OTUD7A: variants seen among roughly 807,000 people sequenced by gnomAD.
The protein encoded by OTUD7A is OTU domain-containing protein 7A.
OTUD7A carries 12 observed loss-of-function variants against 65.7 expected under a neutral mutation model. The ratio of observed to expected loss-of-function variants is 0.18; its 90% CI spans 0.12 to 0.30. OTUD7A has a LOEUF of 0.30. Among genes scored for constraint, OTUD7A ranks in the 10% least tolerant of loss-of-function variants. OTUD7A has a pLI of 1.00. For synonymous variants in OTUD7A, 641 were observed against 586.3 expected, an observed-to-expected ratio of 1.09 and a Z score of -1.35; for missense variants, 1,148 against 1,304.8, an observed-to-expected ratio of 0.88 and a Z score of 1.85.
intron 1 of OTUD7A, among the ~76,000 whole-genome samples, chr15:31,857,641 A>G (rs961487024): frequency 6.6e-6 from 1 of 152,074 alleles, no homozygotes; most frequent in Admixed American, 6.5e-5. Context: ...TGTGACATAA[A>G]CAGCACATGC....
intron 8 of OTUD7A, among the ~76,000 whole-genome samples, chr15:31,518,602 C>T (rs1300301104): frequency 6.6e-6 from 1 of 152,278 alleles, no homozygotes; most frequent in Non-Finnish European, 1.5e-5. Flanking sequence ...CAACCACTGC[C>T]TTTTCCTCCT....
intron 4 of OTUD7A, 25 bp from the exon 5 acceptor site, chr15:31,559,212 C>A (rs753070971): frequency 9.4e-6 from 15 of 1,603,454 alleles, no homozygotes; most frequent in Non-Finnish European, 1.3e-5. Flanking sequence ...GGAAAGATAG[C>A]CCCAAGGGCT....
intron 1 of OTUD7A, among the ~76,000 whole-genome samples, chr15:31,693,150 T>C (rs889492861): frequency 4.6e-5 from 7 of 152,208 alleles, no homozygotes; most frequent in African/African-American, 1.7e-4. Flanking sequence ...GGTTCCCTAA[T>C]GGAATAAAAA....
intron 3 of OTUD7A, among the ~76,000 whole-genome samples, chr15:31,602,748 C>T (rs1337002519): frequency 1.3e-5 from 2 of 152,182 alleles, no homozygotes; most frequent in African/African-American, 2.4e-5. Context: ...TAAGTAACTT[C>T]AGCGAAATCT....
intron 1 of OTUD7A, among the ~76,000 whole-genome samples, chr15:31,688,526 G>A (rs1892892887): frequency 6.6e-6 from 1 of 151,988 alleles, no homozygotes. Context: ...TTGAACACTA[G>A]GCAGGGAAAA....
chr15:31,769,141 C>A (rs1895165468), intron 1 of OTUD7A, among the ~76,000 whole-genome samples: 1 of 152,100 alleles, frequency 6.6e-6, no homozygotes, highest in African/African-American at 2.4e-5. Context: ...CAACAAAATA[C>A]ATAGGTCAAA....
At chr15:31,821,051 T>A (rs555974899) in intron 1 of OTUD7A, among the ~76,000 whole-genome samples, 57 of 152,194 alleles carry the variant, frequency 3.7e-4, no homozygotes, top group Admixed American at 1.2e-3. Flanking sequence ...AATCATATAA[T>A]ATGGGGTCTT....
chr15:31,524,620 T>C (rs1284221743), intron 8 of OTUD7A, among the ~76,000 whole-genome samples: 1 of 151,638 alleles, frequency 6.6e-6, no homozygotes, highest in African/African-American at 2.4e-5. Flanking sequence ...TCTTTCCTGA[T>C]GGGGTCACTC....
chr15:31,530,526 C>T (rs2141122366), intron 6 of OTUD7A, among the ~76,000 whole-genome samples, 181 bp downstream of exon 6: 1 of 152,332 alleles, frequency 6.6e-6, no homozygotes, highest in South Asian at 2.1e-4. Flanking sequence ...CCAGCAAGTG[C>T]TACTTGACAA....
chr15:31,555,636 C>T (rs1384799287), intron 5 of OTUD7A, among the ~76,000 whole-genome samples: 1 of 152,170 alleles, frequency 6.6e-6, no homozygotes, highest in African/African-American at 2.4e-5. Flanking sequence ...CCCTTTAGCA[C>T]TGGCCGGCTG....
intron 3 of OTUD7A, among the ~76,000 whole-genome samples, chr15:31,595,891 CT>C (rs1265123366): frequency 2.0e-5 from 3 of 152,070 alleles, no homozygotes; most frequent in African/African-American, 7.2e-5. Context: ...TGTTCCTTGG[CT>C]TGTGGCCCCT....
intron 1 of OTUD7A, among the ~76,000 whole-genome samples, chr15:31,786,948 T>C (rs1285342529): frequency 6.6e-6 from 1 of 152,126 alleles, no homozygotes; most frequent in Non-Finnish European, 1.5e-5. Context: ...GAGGGGAAAA[T>C]GTTGCTTTAC....
At chr15:31,526,661 A>G (rs941253279) in intron 7 of OTUD7A, among the ~76,000 whole-genome samples, 200 bp from the exon 8 acceptor site, 1 of 152,214 alleles carries the variant, frequency 6.6e-6, no homozygotes, top group Non-Finnish European at 1.5e-5. Context: ...CTCTAATTCC[A>G]GAGCTGCTGG....
chr15:31,591,520 ACT>A (rs977189303), intron 3 of OTUD7A, among the ~76,000 whole-genome samples: 1 of 151,994 alleles, frequency 6.6e-6, no homozygotes, highest in African/African-American at 2.4e-5. Context: ...ATAAGAGGAA[ACT>A]CACTCTCTCT....
intron 1 of OTUD7A, among the ~76,000 whole-genome samples, chr15:31,817,891 G>A (rs1896589737): frequency 6.6e-6 from 1 of 152,240 alleles, no homozygotes; most frequent in South Asian, 2.1e-4. Context: ...GCCTCAAGGT[G>A]GTGGTATTAA....
chr15:31,636,458 G>T (rs1311567041), intron 3 of OTUD7A, among the ~76,000 whole-genome samples: 1 of 151,938 alleles, frequency 6.6e-6, no homozygotes, highest in African/African-American at 2.4e-5. Context: ...TGATTCTCCT[G>T]TCTCCCTCTC....
intron 3 of OTUD7A, among the ~76,000 whole-genome samples, chr15:31,627,862 T>C (rs1424454336): frequency 6.6e-6 from 1 of 152,244 alleles, no homozygotes; most frequent in Non-Finnish European, 1.5e-5. Flanking sequence ...CATTTTTTCA[T>C]GTGTTTTTTG....
At chr15:31,659,114 T>G (rs1402266749) in intron 1 of OTUD7A, among the ~76,000 whole-genome samples, 2 of 152,062 alleles carry the variant, frequency 1.3e-5, no homozygotes, top group African/African-American at 4.8e-5. Context: ...TCAATGAAGC[T>G]CAAATAAAAC....
chr15:31,623,458 G>A (rs552648388), intron 3 of OTUD7A, among the ~76,000 whole-genome samples: 1 of 152,332 alleles, frequency 6.6e-6, no homozygotes, highest in Non-Finnish European at 1.5e-5. Context: ...TCAAGCCTGA[G>A]CAATGGCGGG....
Sources: gnomAD v4.1 joint callset for allele counts (sites outside exome capture counted in the v4.1 genomes callset) on GRCh38, gnomAD v4.1.1 for gene constraint, MANE v1.5 for transcripts, NCBI Gene and HGNC (gene_info 2026-07-23, HGNC 2026-07-21) for gene names.